CNTN4: variants seen among roughly 807,000 people sequenced by gnomAD.
CNTN4 encodes the protein contactin-4.
In CNTN4, 77 loss-of-function variants were observed where a neutral mutation model predicts 122.5. The ratio of observed to expected loss-of-function variants is 0.63; its 90% confidence interval spans 0.52 to 0.76. The LOEUF (loss-of-function observed/expected upper bound fraction) is 0.76. Among genes scored for constraint, CNTN4 ranks in the 30% least tolerant of loss-of-function variants. CNTN4 has a pLI of 0.00. For synonymous variants in CNTN4, 512 were observed against 447.0 expected, an observed-to-expected ratio of 1.15 and a Z score of -1.83; for missense variants, 1,256 against 1,259.1, an observed-to-expected ratio of 1.00 and a Z score of 0.04.
At chr3:2,175,057 G>A (rs1230429128) in intron 2 of CNTN4, among the ~76,000 whole-genome samples, 1 of 152,150 alleles carries the variant, frequency 6.6e-6, no homozygotes, top group Admixed American at 6.5e-5. Flanking sequence ...TCACATTGGT[G>A]ATTAGGATTT....
At chr3:2,270,181 C>G (rs531204309) in intron 2 of CNTN4, among the ~76,000 whole-genome samples, 1,015 of 38,950 alleles carry the variant, frequency 0.026, 172 homozygotes, top group African/African-American at 0.058. Context: ...GATCTCCTGA[C>G]CTCATGATCC....
chr3:2,709,035 C>G lies in CNTN4; in HGVS notation c.56-27180C>G, dbSNP rs1217780952. On this transcript the variant is annotated intron_variant, in intron 4 of 24. Transcript: ENST00000418658. The surrounding 1 kb of genome is among the most constrained non-coding windows in gnomAD (Gnocchi z 5.0). Reference sequence around the variant, plus strand: ...TGGATCTTCAGAATACATGATATATCTCTTCTCAGATATCTCATAGACCAT... The same window carrying G: ...TGGATCTTCAGAATACATGATATATGTCTTCTCAGATATCTCATAGACCAT... Among the ~76,000 whole-genome samples the G allele has an allele frequency of 1.3e-5, 2 of 152,066 alleles. No homozygotes were observed. Among genetic ancestry groups the G allele is most frequent in the Non-Finnish European group, 2.9e-5 (2 of 68,028 alleles).
chr3:2,251,508 G>A (rs1383851111), intron 2 of CNTN4, among the ~76,000 whole-genome samples: 1 of 151,630 alleles, frequency 6.6e-6, no homozygotes, highest in African/African-American at 2.4e-5. Flanking sequence ...CATAATCAAC[G>A]TCATTGAGGA....
chr3:2,138,879 C>T (rs186226553), intron 2 of CNTN4, among the ~76,000 whole-genome samples: 128 of 152,296 alleles, frequency 8.4e-4, no homozygotes, highest in Non-Finnish European at 1.2e-3. Flanking sequence ...GCCTATCTAT[C>T]CATCTAGTTA....
intron 4 of CNTN4, among the ~76,000 whole-genome samples, chr3:2,594,957 C>G (rs74360959): frequency 6.6e-6 from 1 of 152,156 alleles, no homozygotes; most frequent in Non-Finnish European, 1.5e-5. Flanking sequence ...AAAGTCATCA[C>G]CTTTTAAAAG....
At chr3:2,342,431 A>C (rs186168549) in intron 3 of CNTN4, among the ~76,000 whole-genome samples, 8 of 152,338 alleles carry the variant, frequency 5.3e-5, no homozygotes, top group Non-Finnish European at 8.8e-5. Context: ...AAATATTATA[A>C]ATAAAACAAG....
intron 8 of CNTN4, among the ~76,000 whole-genome samples, chr3:2,880,919 GC>G (rs2150964952): frequency 6.6e-6 from 1 of 152,292 alleles, no homozygotes; most frequent in Non-Finnish European, 1.5e-5. Context: ...TAGGTTGCTA[GC>G]CGTGGATCCT....
At chr3:2,478,796 G>T (rs192956875) in intron 3 of CNTN4, among the ~76,000 whole-genome samples, 48 of 152,206 alleles carry the variant, frequency 3.2e-4, no homozygotes, top group Admixed American at 9.2e-4. Context: ...GTATTCCATG[G>T]TGTATATATA....
At chr3:2,186,581 C>T (rs1212853667) in intron 2 of CNTN4, among the ~76,000 whole-genome samples, 1 of 152,214 alleles carries the variant, frequency 6.6e-6, no homozygotes, top group East Asian at 1.9e-4. Context: ...TCCACATCCT[C>T]TCCAGCACCT....
At chr3:2,801,234 A>T (rs1344220446) in intron 6 of CNTN4, among the ~76,000 whole-genome samples, 1 of 152,034 alleles carries the variant, frequency 6.6e-6, no homozygotes, top group Non-Finnish European at 1.5e-5. Flanking sequence ...TTTTTATCCC[A>T]TTTTCTAGTT....
chr3:2,288,498 C>T (rs1219607602), intron 2 of CNTN4, among the ~76,000 whole-genome samples: 2 of 152,084 alleles, frequency 1.3e-5, no homozygotes, highest in South Asian at 2.1e-4. Context: ...AAATACTTCC[C>T]ATTAGGCCCC....
intron 3 of CNTN4, among the ~76,000 whole-genome samples, chr3:2,416,136 A>G (rs2047403161): frequency 6.6e-6 from 1 of 152,010 alleles, no homozygotes; most frequent in Admixed American, 6.6e-5. Flanking sequence ...TATATATATG[A>G]CAATGGTTTT....
chr3:2,968,569 A>AGT (rs1215844911), intron 13 of CNTN4, among the ~76,000 whole-genome samples: 2 of 152,222 alleles, frequency 1.3e-5, no homozygotes, highest in Non-Finnish European at 2.9e-5. Context: ...TTGTATTGTA[A>AGT]GTCAGAAAAA....
At chr3:2,852,212 T>C (rs2093560587) in intron 7 of CNTN4, among the ~76,000 whole-genome samples, 1 of 152,210 alleles carries the variant, frequency 6.6e-6, no homozygotes, top group Non-Finnish European at 1.5e-5. Context: ...TTGTTTAATG[T>C]TAAGTTTTAA....
intron 23 of CNTN4, among the ~76,000 whole-genome samples, chr3:3,046,526 C>A (rs1304180277): frequency 6.6e-6 from 1 of 152,094 alleles, no homozygotes. Flanking sequence ...TCCAGCCAAA[C>A]TAAGCTTCAT....
rs181515934 is a variant in CNTN4 at position 2,617,611 on chromosome 3, C to T, written c.55+46053C>T. 1.4e-4 allele frequency among the ~76,000 whole-genome samples: 22 copies of T among 151,908 alleles called. No individual in the cohort carries two copies. The East Asian group carries it at 2.3e-3, about 16-fold the overall frequency. Reference sequence around the variant, plus strand: ...AATTTTTTTGTACTTTTAGTACAGACGGAGTTTCACAATGTTGGCCATGAT... The same window carrying T: ...AATTTTTTTGTACTTTTAGTACAGATGGAGTTTCACAATGTTGGCCATGAT... On this transcript the variant is annotated intron_variant, in intron 4 of 24. Transcript: ENST00000418658.
chr3:2,320,396 C>A (rs189937995), intron 2 of CNTN4, among the ~76,000 whole-genome samples: 1 of 152,152 alleles, frequency 6.6e-6, no homozygotes, highest in East Asian at 1.9e-4. Flanking sequence ...GGTTATGTGC[C>A]TAAATTTGTG....
intron 12 of CNTN4, among the ~76,000 whole-genome samples, chr3:2,916,136 C>G (rs1199295488): frequency 1.3e-5 from 2 of 152,192 alleles, no homozygotes; most frequent in Non-Finnish European, 1.5e-5. Flanking sequence ...TACTACTGTA[C>G]TGTACATGTA....
intron 7 of CNTN4, among the ~76,000 whole-genome samples, chr3:2,827,727 AT>A (rs2093016685): frequency 6.6e-6 from 1 of 152,148 alleles, no homozygotes; most frequent in Non-Finnish European, 1.5e-5. Context: ...ACCCTGTGTG[AT>A]TCTTTATATT....
Sources: allele counts gnomAD v4.1 joint callset (sites outside exome capture counted in the v4.1 genomes callset), GRCh38; gene constraint gnomAD v4.1.1; non-coding constraint Gnocchi (gnomAD v3.1); transcripts MANE v1.5; gene names NCBI Gene and HGNC (gene_info 2026-07-23, HGNC 2026-07-21).